Variants in ERN1 observed in about 807,000 individuals in gnomAD.
ERN1 encodes the protein endoplasmic reticulum to nucleus signaling 1.
A neutral mutation model predicts 113.1 loss-of-function variants in ERN1; 39 were observed. The observed-to-expected ratio is 0.34, with a 90% CI of 0.27 to 0.45. ERN1 has a LOEUF of 0.45. Among genes scored for constraint, ERN1 ranks in the 20% least tolerant of loss-of-function variants. ERN1 has a pLI of 1.00. For missense variants in ERN1, 976 were observed against 1,274.8 expected (o/e 0.77, Z 3.57); for synonymous variants, 507 against 515.9 (o/e 0.98, Z 0.23).
intron 1 of ERN1, among the ~76,000 whole-genome samples, chr17:64,119,135 C>T (rs1914884430): frequency 6.6e-6 from 1 of 151,886 alleles, no homozygotes. Flanking sequence ...ATGGAAAAGG[C>T]AATAAACAAA....
chr17:64,064,132 G>C lies in ERN1; in HGVS notation c.941C>G (p.Pro314Arg), dbSNP rs1913142954. ...ATCAGTCTGGGGCCCTTCCAGCAAA[G>C]GAAGTGTGCTGCCGCGGGGCTGTGG... ...VAVVPRGSTL[P>R]LLEGPQTDGV... is the part of the protein sequence containing the mutation. Residue 314 changes from proline (P) to arginine (R), a missense_variant, in exon 10 of 22, where the codon CCT becomes CGT. Around this residue, in one of 5 missense-constraint regions of ERN1, gnomAD observed 459 missense variants for 581.2 expected, o/e 0.79. Coordinates refer to ENST00000433197, the MANE Select transcript of ERN1 (RefSeq NM_001433.5). 1.9e-6 allele frequency: 3 copies of C among 1,604,962 alleles called. No individual in the cohort carries two copies. The highest frequency in any genetic ancestry group is 1.1e-5 in the South Asian group (1 of 89,724).
chr17:64,060,350 G>A lies in ERN1; in HGVS notation c.1206+119C>T, dbSNP rs138008221. 1,221 of 694,966 alleles carry A rather than the reference G, an allele frequency of 1.8e-3. 2 individuals are homozygous for A. Among genetic ancestry groups the A allele is most frequent in the Admixed American group, 3.0e-3 (132 of 43,300 alleles). 43.0% of individuals were successfully genotyped at this position (694,966 alleles called of 1,614,324 possible). ...TTTATGTTTTTTGCTTTGGATTCTG[G>A]TGCATTCCTCTTCCCTCCCAGACTA... On this transcript the variant is annotated intron_variant, in intron 11 of 21. Coordinates refer to ENST00000433197, the MANE Select transcript of ERN1 (RefSeq NM_001433.5).
intron 2 of ERN1, among the ~76,000 whole-genome samples, chr17:64,085,614 T>C (rs1913900514): frequency 6.6e-6 from 1 of 152,170 alleles, no homozygotes; most frequent in Non-Finnish European, 1.5e-5. Flanking sequence ...CTTCCACTCT[T>C]GGCCAGCCTG....
At chr17:64,102,304 A>C (rs911514392) in intron 1 of ERN1, among the ~76,000 whole-genome samples, 2 of 152,154 alleles carry the variant, frequency 1.3e-5, no homozygotes, top group African/African-American at 4.8e-5. Flanking sequence ...AAACAACAAC[A>C]ACACTAATCA....
In ERN1 at chr17:64,057,960, C is replaced by A. The variant is rs61736509; in HGVS notation, c.1240G>T (p.Ala414Ser). ...INLVDQTSEN[A>S]PTTVSRDVEE... ...ACATCCCGAGACACGGTGGTAGGTG[C>A]GTTTTCTGAAGTCTGGTCAACCAGG... Residue 414 changes from alanine to serine, a missense_variant, in exon 12 of 22, where the codon GCA becomes TCA. By Grantham distance (99) the Ala-to-Ser change is moderately conservative. Around this residue, in one of 5 missense-constraint regions of ERN1, gnomAD observed 459 missense variants for 581.2 expected, o/e 0.79. Coordinates refer to ENST00000433197, the MANE Select transcript of ERN1 (RefSeq NM_001433.5). 31 of 1,593,092 alleles carry A rather than the reference C, an allele frequency of 1.9e-5. No homozygotes were observed. The highest frequency in any genetic ancestry group is 2.5e-5 in the Non-Finnish European group (29 of 1,170,016).
intron 1 of ERN1, among the ~76,000 whole-genome samples, chr17:64,116,672 C>T (rs1332120322): frequency 2.0e-5 from 3 of 151,888 alleles, no homozygotes; most frequent in Non-Finnish European, 4.4e-5. Flanking sequence ...CACACACACA[C>T]ACAAACACAC....
chr17:64,046,177 C>A (rs909655258), intron 19 of ERN1, among the ~76,000 whole-genome samples: 2 of 152,170 alleles, frequency 1.3e-5, no homozygotes, highest in Non-Finnish European at 2.9e-5. Flanking sequence ...TTAGGAGACC[C>A]TTTTCTCAGA....
Position 64,066,786 on chromosome 17 carries a change from T to C in ERN1, c.727A>G (p.Ile243Val), listed in dbSNP as rs770075692. Residue 243 changes from isoleucine to valine, a missense_variant, in exon 8 of 22, where the codon ATC (isoleucine) becomes GTC (valine). By Grantham distance (29) the Ile-to-Val change is conservative. Coordinates refer to ENST00000433197, the MANE Select transcript of ERN1 (RefSeq NM_001433.5). ...CGCAGGGTCTCCACAGCGACATTGATGTGCATCACCTTCCTCAGACCCTCC... is the reference window on the plus strand; with the variant it reads ...CGCAGGGTCTCCACAGCGACATTGACGTGCATCACCTTCCTCAGACCCTCC... ...QREGLRKVMH[I>V]NVAVETLRYL... 17 of 1,613,950 alleles carry C rather than the reference T, an allele frequency of 1.1e-5. No homozygotes were observed. The highest frequency in any genetic ancestry group is 1.6e-4 in the Middle Eastern group (1 of 6,062).
At chr17:64,057,217 A>G (rs1332632269) in intron 12 of ERN1, among the ~76,000 whole-genome samples, 1 of 152,212 alleles carries the variant, frequency 6.6e-6, no homozygotes, top group Admixed American at 6.5e-5. Context: ...AATACAGATA[A>G]CTATTCAAAA....
intron 7 of ERN1, 157 bp from the exon 8 acceptor site, chr17:64,067,089 A>C: frequency 1.3e-6 from 1 of 758,918 alleles, no homozygotes; most frequent in South Asian, 1.9e-5. Flanking sequence ...TTTCCAATGA[A>C]CTCGCTTAGT....
At chr17:64,108,124 G>A (rs574024448) in intron 1 of ERN1, among the ~76,000 whole-genome samples, 6 of 151,982 alleles carry the variant, frequency 3.9e-5, no homozygotes, top group Admixed American at 2.6e-4. Context: ...CAAGTCTGCC[G>A]TATGGTGTAA....
At chr17:64,109,793 C>T (rs1484529410) in intron 1 of ERN1, among the ~76,000 whole-genome samples, 2 of 152,198 alleles carry the variant, frequency 1.3e-5, no homozygotes, top group African/African-American at 2.4e-5. Flanking sequence ...AAGGTCTCCG[C>T]CTCCCCGTCT....
intron 6 of ERN1, among the ~76,000 whole-genome samples, chr17:64,069,453 T>G (rs1913340121): frequency 6.6e-6 from 1 of 151,988 alleles, no homozygotes; most frequent in Admixed American, 6.6e-5. Context: ...TGGCCATTTG[T>G]TATGGAAAAG....
intron 3 of ERN1, chr17:64,080,458 T>A (rs1169054397): frequency 6.9e-6 from 2 of 287,950 alleles, no homozygotes; most frequent in African/African-American, 2.2e-5. Context: ...CACATTCACC[T>A]TTTTTCTCCA....
chr17:64,052,714 G>T lies in ERN1; in HGVS notation c.2253+66C>A, dbSNP rs900566782. 1.5e-5 allele frequency: 22 copies of T among 1,466,706 alleles called. No individual in the cohort carries two copies. In the Middle Eastern group the frequency reaches 7.2e-4, roughly 48 times the overall value. The allele number at this position is 1,466,706 out of a possible 1,614,324, so 90.9% of individuals were successfully genotyped here. A position where few individuals can be genotyped will look rare whatever the true frequency, so the allele number is the denominator to read the frequency against. ...CAGCCCCCAAACCTGGAATTTAAAG[G>T]TTCTACTCCTGAAGATACAATGGGC... On this transcript the variant is annotated intron_variant, in intron 17 of 21. Coordinates refer to ENST00000433197, the MANE Select transcript of ERN1 (RefSeq NM_001433.5).
rs777806993 is a variant in ERN1 at position 64,119,376 on chromosome 17, G to GTTGTTTTTTTTTTTTTTT, written c.54+10599_54+10600insAAAAAAAAAAAAAAACAA. On this transcript the variant is annotated intron_variant, in intron 1 of 21. Transcript: ENST00000433197. Reference sequence around the variant, plus strand: ...TAATATTAGGTTCCTTTTTTTCTAGGTTTTTTTTTTTTTTTTTTTTTTTTT... The same window carrying GTTGTTTTTTTTTTTTTTT: ...TAATATTAGGTTCCTTTTTTTCTAGGTTGTTTTTTTTTTTTTTTTTTTTTTTTTTTTTTTTTTTTTTTT... Among the ~76,000 whole-genome samples the GTTGTTTTTTTTTTTTTTT allele has an allele frequency of 5.1e-5, 4 of 77,910 alleles. 1 individual carries two copies. Among genetic ancestry groups the GTTGTTTTTTTTTTTTTTT allele is most frequent in the African/African-American group, 1.7e-4 (3 of 17,952 alleles). The allele number at this position is 77,910 out of a possible 152,430, so 51.1% of individuals were successfully genotyped here.
At chr17:64,104,056 T>C (rs1010215992) in intron 1 of ERN1, among the ~76,000 whole-genome samples, 2 of 150,358 alleles carry the variant, frequency 1.3e-5, no homozygotes, top group East Asian at 2.0e-4. Flanking sequence ...CTGTGCAATA[T>C]AGGGAGACCC....
chr17:64,078,409 G>A (rs1043079603), intron 4 of ERN1, among the ~76,000 whole-genome samples: 4 of 152,052 alleles, frequency 2.6e-5, no homozygotes, highest in Non-Finnish European at 5.9e-5. Flanking sequence ...TTTGTTGGAT[G>A]TGTATACTAC....
At position 64,077,427 on chromosome 17, in the gene ERN1, C is replaced by T. The variant is rs75760140; in HGVS notation, c.283-2180G>A. Among the ~76,000 whole-genome samples the T allele has an allele frequency of 5.2e-3, 785 of 151,904 alleles. 5 individuals carry two copies. Among genetic ancestry groups the T allele is most frequent in the African/African-American group, 0.018 (750 of 41,450 alleles). ...AGAAGCCCCCCTCCTCTCTTGCCCCCCTTTCTAGCCATAACTCTCCAGGGG... is the reference window on the plus strand; with the variant it reads ...AGAAGCCCCCCTCCTCTCTTGCCCCTCTTTCTAGCCATAACTCTCCAGGGG... On this transcript the variant is annotated intron_variant, in intron 4 of 21. Coordinates refer to ENST00000433197, the MANE Select transcript of ERN1 (RefSeq NM_001433.5).
Sources: allele counts gnomAD v4.1 joint callset (sites outside exome capture counted in the v4.1 genomes callset), GRCh38; gene constraint gnomAD v4.1.1; regional missense constraint gnomAD v4.1.1; transcripts MANE v1.5; gene names NCBI Gene and HGNC (gene_info 2026-07-23, HGNC 2026-07-21).